The following LCLAT1 variants were observed in gnomAD, a reference collection of about 807,000 sequenced individuals.
LCLAT1 encodes 1-AGP acyltransferase 8.
LCLAT1 carries 11 observed loss-of-function variants against 30.7 expected under a neutral mutation model. The observed-to-expected ratio is 0.36, with a 90% confidence interval of 0.23 to 0.59. The LOEUF is 0.59. LCLAT1 is among the 20% of genes least tolerant of loss of function. The probability of loss-of-function intolerance (pLI) is 0.77; values close to 1 mark genes in which losing one functional copy is unlikely to be tolerated. For missense variants in LCLAT1, 402 were observed against 458.6 expected, an observed-to-expected ratio of 0.88 and a Z score of 1.13; for synonymous variants, 155 against 151.3, an observed-to-expected ratio of 1.02 and a Z score of -0.18.
chr2:30,612,544 T>A (rs1373451783), intron 5 of LCLAT1, among the ~76,000 whole-genome samples: 1 of 152,184 alleles, frequency 6.6e-6, no homozygotes, highest in East Asian at 1.9e-4. Flanking sequence ...TCAGCTTGCC[T>A]GACAACTCAT....
chr2:30,508,722 C>G (rs2148354535), intron 1 of LCLAT1, among the ~76,000 whole-genome samples: 1 of 152,042 alleles, frequency 6.6e-6, no homozygotes, highest in African/African-American at 2.4e-5. Flanking sequence ...TTAGGATTGC[C>G]TAAGCAAAAA....
At chr2:30,572,513 T>C (rs1665823365) in intron 5 of LCLAT1, among the ~76,000 whole-genome samples, 1 of 152,200 alleles carries the variant, frequency 6.6e-6, no homozygotes, top group Non-Finnish European at 1.5e-5. Flanking sequence ...CCCCTAATTC[T>C]CCTACCTAAG....
At chr2:30,460,424 T>G (rs1682057190) in intron 1 of LCLAT1, among the ~76,000 whole-genome samples, 1 of 152,196 alleles carries the variant, frequency 6.6e-6, no homozygotes, top group Non-Finnish European at 1.5e-5. Context: ...CCCTCAGCCT[T>G]TTTCTATTGC....
intron 3 of LCLAT1, among the ~76,000 whole-genome samples, chr2:30,534,217 TACTGTGTG>T (rs1378331079): frequency 7.6e-6 from 1 of 131,664 alleles, no homozygotes; most frequent in Non-Finnish European, 1.6e-5. Flanking sequence ...GTAGTTGATT[TACTGTGTG>T]TGTGTGTGTG....
At chr2:30,476,337 G>A (rs1683039205) in intron 1 of LCLAT1, 1 of 455,696 alleles carries the variant, frequency 2.2e-6, no homozygotes, top group South Asian at 1.6e-5. Context: ...ACCAGTTTAT[G>A]TAAAATAATA....
chr2:30,544,756 C>T (rs1468211689), intron 3 of LCLAT1, among the ~76,000 whole-genome samples: 2 of 152,116 alleles, frequency 1.3e-5, no homozygotes, highest in Admixed American at 6.6e-5. Flanking sequence ...AAGGTGGATA[C>T]ACCCTCCTAC....
chr2:30,559,718 A>C (rs981052385), intron 3 of LCLAT1, among the ~76,000 whole-genome samples: 8 of 152,286 alleles, frequency 5.3e-5, no homozygotes, highest in Non-Finnish European at 1.0e-4. Context: ...GAGTTCAAAA[A>C]CATTGTATAA....
At chr2:30,624,760 C>T (rs537742967) in intron 5 of LCLAT1, among the ~76,000 whole-genome samples, 1 of 152,286 alleles carries the variant, frequency 6.6e-6, no homozygotes, top group East Asian at 1.9e-4. Flanking sequence ...TACCCTAGAA[C>T]AAATGGACTT....
intron 1 of LCLAT1, among the ~76,000 whole-genome samples, chr2:30,461,546 C>T (rs1036792850): frequency 2.6e-5 from 4 of 151,978 alleles, no homozygotes; most frequent in South Asian, 2.1e-4. Flanking sequence ...CAGGTGTGTG[C>T]CACCAGGCCT....
intron 1 of LCLAT1, among the ~76,000 whole-genome samples, chr2:30,489,970 C>T (rs1468609033): frequency 6.6e-6 from 1 of 152,192 alleles, no homozygotes; most frequent in East Asian, 1.9e-4. Flanking sequence ...TAATCACCAG[C>T]ATTTACTCAG....
chr2:30,599,143 G>A (rs1038059807), intron 5 of LCLAT1, among the ~76,000 whole-genome samples: 1 of 151,956 alleles, frequency 6.6e-6, no homozygotes, highest in Non-Finnish European at 1.5e-5. Context: ...CAGCATGCCA[G>A]GCTAATTTTT....
At chr2:30,573,831 C>T (rs903611615) in intron 5 of LCLAT1, among the ~76,000 whole-genome samples, 1 of 152,132 alleles carries the variant, frequency 6.6e-6, no homozygotes, top group Non-Finnish European at 1.5e-5. Context: ...AATAGATACC[C>T]TTCAAATTTT....
chr2:30,573,867 TG>T (rs1418170932), intron 5 of LCLAT1, among the ~76,000 whole-genome samples: 1 of 152,182 alleles, frequency 6.6e-6, no homozygotes, highest in Non-Finnish European at 1.5e-5. Context: ...AATTGGTCAA[TG>T]TAATTTTATA....
chr2:30,496,968 C>A lies in LCLAT1; in HGVS notation c.-4-28619C>A, dbSNP rs143707460. ...GAAGAGCATACAACTCTTGTTATAG[C>A]TTTCATAGCCTTTATTACAATGTCA... On this transcript the variant is annotated intron_variant, in intron 1 of 5. Transcript: ENST00000379509. 3.8e-3 allele frequency among the ~76,000 whole-genome samples: 584 copies of A among 152,328 alleles called. 2 individuals are homozygous for A. Among genetic ancestry groups the A allele is most frequent in the Non-Finnish European group, 6.7e-3 (459 of 68,026 alleles).
intron 1 of LCLAT1, among the ~76,000 whole-genome samples, chr2:30,450,967 C>A (rs1319398841): frequency 1.3e-5 from 2 of 150,212 alleles, no homozygotes; most frequent in African/African-American, 2.4e-5. Context: ...TATATCTGAC[C>A]AAGGACTCAT....
intron 1 of LCLAT1, among the ~76,000 whole-genome samples, chr2:30,475,655 C>T (rs376699497): frequency 1.3e-5 from 2 of 152,124 alleles, no homozygotes; most frequent in African/African-American, 4.8e-5. Context: ...TACAACTCAG[C>T]CCAGTATTTT....
At position 30,643,456 on chromosome 2, in the gene LCLAT1, A is replaced by G. The variant is rs1444869967; in HGVS notation, c.*2837A>G. 2 of 146,736 alleles carry G rather than the reference A, an allele frequency of 1.4e-5. No individual in the cohort carries two copies. The highest frequency in any genetic ancestry group is 3.0e-5 in the Non-Finnish European group (2 of 67,142). 9.1% of individuals were successfully genotyped at this position (146,736 alleles called of 1,614,324 possible). On this transcript the variant is annotated 3_prime_UTR_variant, in exon 6 of 6. Transcript: ENST00000379509. ...AAAGACTCAAATAAATGTTAGAAAG[A>G]GCCCGTAATTTTAGGACTCCTATAA... is the stretch of plus-strand genomic sequence containing the variant.
chr2:30,584,235 C>A (rs1666331996), intron 5 of LCLAT1, among the ~76,000 whole-genome samples: 1 of 152,200 alleles, frequency 6.6e-6, no homozygotes, highest in African/African-American at 2.4e-5. Flanking sequence ...TAAGATTCCT[C>A]AGTGTTGTAG....
chr2:30,620,312 G>A (rs181098413), intron 5 of LCLAT1, among the ~76,000 whole-genome samples: 19 of 152,192 alleles, frequency 1.2e-4, no homozygotes, highest in East Asian at 1.9e-4. Flanking sequence ...CATCCCAGCC[G>A]TGTGAACTAA....
Sources: gnomAD v4.1 joint callset for allele counts (sites outside exome capture counted in the v4.1 genomes callset) on GRCh38, gnomAD v4.1.1 for gene constraint, MANE v1.5 for transcripts, NCBI Gene and HGNC (gene_info 2026-07-23, HGNC 2026-07-21) for gene names.